The following F8 variants were observed in gnomAD, a reference collection of about 807,000 sequenced individuals.
F8 encodes the protein coagulation factor VIII.
Under a neutral mutation model 140.6 loss-of-function variants are expected in F8, and 12 were observed. The ratio of observed to expected loss-of-function variants is 0.09; its 90% CI spans 0.05 to 0.14. The LOEUF (loss-of-function observed/expected upper bound fraction) is 0.14. Ranked by LOEUF, F8 falls within the 10% of genes least tolerant of loss-of-function variation. The pLI is 1.00. For missense variants in F8, 1,354 were observed against 1,720.7 expected (o/e 0.79, Z 3.77); for synonymous variants, 585 against 614.6 (o/e 0.95, Z 0.71).
At chrX:154,915,817 C>G (rs2073093727) in intron 14 of F8, among the ~76,000 whole-genome samples, 1 of 111,780 alleles carries the variant, frequency 8.9e-6, no homozygotes, top group Non-Finnish European at 1.9e-5. Context: ...TGCTTAATTG[C>G]TCCATCTTGG....
At chrX:154,912,380 A>G (rs1180022362) in intron 14 of F8, among the ~76,000 whole-genome samples, 2 of 112,564 alleles carry the variant, frequency 1.8e-5, no homozygotes, top group African/African-American at 6.5e-5. Context: ...ATTTTTGTAT[A>G]CAGTGAGAGA....
At chrX:154,976,686 C>T (rs890397465) in intron 6 of F8, among the ~76,000 whole-genome samples, 2 of 107,237 alleles carry the variant, frequency 1.9e-5, no homozygotes, top group Admixed American at 2.1e-4. Flanking sequence ...AAATGTCCAA[C>T]AATGATAGAC....
chrX:154,941,654 C>A (rs2073265565), intron 13 of F8, among the ~76,000 whole-genome samples: 2 of 110,804 alleles, frequency 1.8e-5, no homozygotes, highest in Non-Finnish European at 3.8e-5. Context: ...CTCAGCTCTG[C>A]ACCAAGCGGA....
chrX:154,985,483 T>C (rs2073554256), intron 5 of F8, among the ~76,000 whole-genome samples: 1 of 111,713 alleles, frequency 9.0e-6, no homozygotes, highest in South Asian at 3.8e-4. Flanking sequence ...AAAAAGGCTG[T>C]CTGTCAGTCC....
chrX:154,838,926 T>TCCCCACCC (rs1167893000), intron 25 of F8, among the ~76,000 whole-genome samples: 1 of 86,885 alleles, frequency 1.2e-5, no homozygotes, highest in Non-Finnish European at 2.3e-5. Context: ...ATGGGTAAGT[T>TCCCCACCC]CCCCACCCCC....
chrX:154,906,497 A>T lies in F8; in HGVS notation c.5296T>A (p.Leu1766Ile). ...TGTTCATTTAGTTCTCCACGGTATA[A>T]GGGCTGAGTAAAGGAGCCATCAGTA... ...EFTDGSFTQP[L>I]YRGELNEHLG... Residue 1766 changes from leucine (L) to isoleucine (I), a missense_variant, in exon 15 of 26, where the codon TTA becomes ATA. Around this residue, in one of 4 missense-constraint regions of F8, gnomAD observed 316 missense variants for 485.4 expected, o/e 0.65. Coordinates refer to ENST00000360256, the MANE Select transcript of F8 (RefSeq NM_000132.4). 1 of 1,210,155 alleles carries T rather than the reference A, an allele frequency of 8.3e-7. No homozygotes were observed.
At chrX:154,875,772 TGTAGAG>T (rs1557273952) in intron 22 of F8, among the ~76,000 whole-genome samples, 1 of 102,943 alleles carries the variant, frequency 9.7e-6, no homozygotes, top group African/African-American at 3.8e-5. Context: ...TGTGTGTGTG[TGTAGAG>T]AGAGAGAGAG....
At chrX:154,999,785 TATG>T (rs1192646487) in intron 1 of F8, among the ~76,000 whole-genome samples, 185 bp from the exon 2 acceptor site, 2 of 112,521 alleles carry the variant, frequency 1.8e-5, no homozygotes, top group Non-Finnish European at 3.8e-5. Context: ...TTAGGTGCCA[TATG>T]ATAAGAATCA....
intron 1 of F8, among the ~76,000 whole-genome samples, chrX:155,014,816 G>A (rs1557286904): frequency 8.9e-6 from 1 of 112,202 alleles, no homozygotes; most frequent in African/African-American, 3.2e-5. Context: ...TTGTTGTATT[G>A]AAAGATTCAG....
In F8 at chrX:154,969,469, C is replaced by T. The variant is rs868988809; in HGVS notation, c.871G>A (p.Glu291Lys). ...TTCCTCACAAGAAATGTGTGACCTT[C>T]GAGGAATATTGAGTGCACTTCAGGA... ...TTPEVHSIFL[E>K]GHTFLVRNHR... The change falls in exon 7 of 26, where the codon GAA becomes AAA. Residue 291 changes from glutamate to lysine, a missense_variant. Glu to Lys is a moderately conservative substitution (Grantham distance 56, BLOSUM62 1). Around this residue, in one of 4 missense-constraint regions of F8, gnomAD observed 128 missense variants for 230.4 expected, o/e 0.56. Coordinates refer to ENST00000360256, the MANE Select transcript of F8 (RefSeq NM_000132.4). 2 of 1,211,051 alleles carry T rather than the reference C, an allele frequency of 1.7e-6. No homozygotes were observed. The highest frequency in any genetic ancestry group is 2.2e-6 in the Non-Finnish European group (2 of 895,178).
chrX:154,852,418 C>T (rs868920618), intron 25 of F8, among the ~76,000 whole-genome samples: 1 of 111,727 alleles, frequency 9.0e-6, no homozygotes, highest in Non-Finnish European at 1.9e-5. Flanking sequence ...CATTCTTTTG[C>T]ATGTGGATAT....
chrX:154,935,334 G>A (rs782189325), intron 13 of F8, among the ~76,000 whole-genome samples: 14 of 112,047 alleles, frequency 1.2e-4, no homozygotes, highest in Middle Eastern at 4.6e-3. Context: ...TATAGAAGAC[G>A]TATGGGTCAA....
intron 22 of F8, among the ~76,000 whole-genome samples, chrX:154,872,876 G>T (rs1473267430): frequency 1.8e-5 from 2 of 111,033 alleles, no homozygotes; most frequent in Non-Finnish European, 3.8e-5. Context: ...GAAATCAGTG[G>T]TGTTTCTATA....
At position 154,920,012 on chromosome X, in the gene F8, A is replaced by G. The variant is rs5987057; in HGVS notation, c.5219+8559T>C. The G allele has an allele frequency of 6.7e-3, 1,198 of 178,598 alleles. 15 individuals carry two copies. Among genetic ancestry groups the G allele is most frequent in the African/African-American group, 0.035 (1,131 of 32,336 alleles). 14.7% of individuals were successfully genotyped at this position (178,598 alleles called of 1,213,427 possible). Reference sequence around the variant, plus strand: ...TCACCATCTGTAAAAAGCTTACACCAGCTTTTGTCATATGTGCCTGTACAG... The same window carrying G: ...TCACCATCTGTAAAAAGCTTACACCGGCTTTTGTCATATGTGCCTGTACAG... On this transcript the variant is annotated intron_variant, in intron 14 of 25. Transcript: ENST00000360256.
chrX:154,992,316 A>G (rs925757512), intron 4 of F8, among the ~76,000 whole-genome samples: 1 of 112,375 alleles, frequency 8.9e-6, no homozygotes, highest in Non-Finnish European at 1.9e-5. Flanking sequence ...GAAAAGGTAC[A>G]GTGAAGCTGA....
chrX:154,873,035 GAC>G lies in F8; in HGVS notation c.6430-9810_6430-9809del, dbSNP rs199589149. 5.4e-3 allele frequency among the ~76,000 whole-genome samples: 601 copies of G among 111,366 alleles called. 2 individuals carry two copies. The highest frequency in any genetic ancestry group is 0.018 in the African/African-American group (566 of 30,701). Reference sequence around the variant, plus strand: ...AACATTTATGAAGGAAATTAAAGAAGACACAGATAAATAAAAGATATTCCATA... The same window carrying G: ...AACATTTATGAAGGAAATTAAAGAAGACAGATAAATAAAAGATATTCCATA... On this transcript the variant is annotated intron_variant, in intron 22 of 25. Transcript: ENST00000360256.
Position 154,965,992 on chromosome X carries a change from C to G in F8, c.1421G>C (p.Gly474Ala). 8.3e-7 allele frequency: 1 copy of G among 1,211,443 alleles called. No individual in the cohort carries two copies. Among genetic ancestry groups the G allele is most frequent in the African/African-American group, 1.7e-5 (1 of 57,770 alleles). ...TACCAACAGTGTGTCTCCAACTTCC[C>G]CATAAAGTAAAGGTCCCAAGATTCC... The part of the protein sequence containing the change: ...ESGILGPLLY[G>A]EVGDTLLIIF... Residue 474 changes from glycine (G) to alanine (A), a missense_variant, in exon 9 of 26, where the codon GGG (glycine) becomes GCG (alanine). Transcript: ENST00000360256.
chrX:154,897,064 T>G (rs1206618002), intron 21 of F8, among the ~76,000 whole-genome samples: 2 of 112,472 alleles, frequency 1.8e-5, no homozygotes, highest in African/African-American at 6.5e-5. Flanking sequence ...AGCTTTTATA[T>G]TCTCTCTAGC....
chrX:154,993,291 C>A (rs1557284835), intron 3 of F8, 143 bp from the exon 4 acceptor site: 1 of 533,932 alleles, frequency 1.9e-6, no homozygotes, highest in Non-Finnish European at 3.0e-6. Context: ...TGTTTTGAGA[C>A]GGAGTCTCAC....
Sources: allele counts gnomAD v4.1 joint callset (sites outside exome capture counted in the v4.1 genomes callset), GRCh38; gene constraint gnomAD v4.1.1; regional missense constraint gnomAD v4.1.1; transcripts MANE v1.5; gene names NCBI Gene and HGNC (gene_info 2026-07-23, HGNC 2026-07-21).